The following CSTF3 variants were observed in gnomAD, a reference collection of about 807,000 sequenced individuals.
The protein encoded by CSTF3 is CF-1 77 kDa subunit.
Under a neutral mutation model 105.8 loss-of-function variants are expected in CSTF3, and 29 were observed. The observed-to-expected ratio is 0.27, with a 90% CI of 0.20 to 0.37. The LOEUF (loss-of-function observed/expected upper bound fraction) is 0.37, where lower values mean the gene tolerates loss of function less well. CSTF3 is among the 10% of genes least tolerant of loss of function. The pLI is 1.00. For missense variants in CSTF3, 357 were observed against 879.3 expected (o/e 0.41, Z 7.51); for synonymous variants, 252 against 281.9 (o/e 0.89, Z 1.06).
chr11:33,127,072 T>C (rs1855550927), intron 3 of CSTF3, among the ~76,000 whole-genome samples: 1 of 152,182 alleles, frequency 6.6e-6, no homozygotes, highest in South Asian at 2.1e-4. Context: ...AAAGAGCTAA[T>C]GTAGACAAAA....
chr11:33,148,591 G>C (rs1368193212), intron 1 of CSTF3, among the ~76,000 whole-genome samples: 2 of 150,966 alleles, frequency 1.3e-5, no homozygotes, highest in African/African-American at 4.8e-5. Flanking sequence ...ACACACTCAG[G>C]AGGCTGAGGT....
At chr11:33,136,468 T>C (rs1855653930) in intron 3 of CSTF3, among the ~76,000 whole-genome samples, 1 of 152,032 alleles carries the variant, frequency 6.6e-6, no homozygotes, top group Admixed American at 6.6e-5. Flanking sequence ...ACATCTTCAT[T>C]TCCTGGAAGT....
At position 33,099,180 on chromosome 11, in the gene CSTF3, A is replaced by T; in HGVS notation, c.937-30T>A. 2 of 1,563,570 alleles carry T rather than the reference A, an allele frequency of 1.3e-6. No homozygotes were observed. The highest frequency in any genetic ancestry group is 4.5e-5 in the East Asian group (2 of 44,074). ...TAGAAAAAAAAGAAAGCTCATCTTC[A>T]ATAATTTTAATATAGTTGTGAGAGA... On this transcript the variant is annotated intron_variant, in intron 11 of 20. Transcript: ENST00000323959. The surrounding 1 kb of genome is among the most constrained non-coding windows in gnomAD (Gnocchi z 4.1).
intron 15 of CSTF3, 124 bp downstream of exon 15, chr11:33,096,182 G>T: frequency 1.7e-6 from 1 of 588,484 alleles, no homozygotes; most frequent in Non-Finnish European, 2.8e-6. Context: ...TATTTCTTGA[G>T]TGCCTAACAA....
intron 18 of CSTF3, among the ~76,000 whole-genome samples, chr11:33,086,471 CT>C (rs1855106672): frequency 6.6e-6 from 1 of 150,586 alleles, no homozygotes; most frequent in African/African-American, 2.5e-5. Context: ...GAGTGTCGCT[CT>C]TGTTGCCCAG....
At chr11:33,097,022 G>T in intron 13 of CSTF3, 44 bp from the exon 14 acceptor site, 1 of 1,425,054 alleles carries the variant, frequency 7.0e-7, no homozygotes, top group South Asian at 1.3e-5. Flanking sequence ...TAGACAGTAT[G>T]TTTCCTGCAT....
chr11:33,146,580 TA>T (rs1345305567), intron 1 of CSTF3, among the ~76,000 whole-genome samples: 2 of 124,620 alleles, frequency 1.6e-5, no homozygotes, highest in African/African-American at 3.0e-5. Flanking sequence ...TAAATACATA[TA>T]AAAAAGGACC....
intron 13 of CSTF3, among the ~76,000 whole-genome samples, chr11:33,097,422 T>G (rs1438752228): frequency 6.6e-6 from 1 of 152,012 alleles, no homozygotes; most frequent in East Asian, 1.9e-4. Context: ...CAGGCTGGAG[T>G]GCAGTGGTGC....
intron 3 of CSTF3, among the ~76,000 whole-genome samples, chr11:33,139,932 G>A (rs1855692480): frequency 6.6e-6 from 1 of 151,870 alleles, no homozygotes; most frequent in African/African-American, 2.4e-5. Flanking sequence ...TTACAGCTAG[G>A]AAATTGGAGA....
chr11:33,128,473 A>C (rs1855567182), intron 3 of CSTF3, among the ~76,000 whole-genome samples: 2 of 152,118 alleles, frequency 1.3e-5, no homozygotes, highest in African/African-American at 4.8e-5. Flanking sequence ...TGAGTAAAAT[A>C]AGGGCCCAGA....
chr11:33,161,122 T>TAA (rs879743369), intron 1 of CSTF3, among the ~76,000 whole-genome samples, 177 bp downstream of exon 1: 1 of 145,010 alleles, frequency 6.9e-6, no homozygotes, highest in Non-Finnish European at 1.5e-5. Context: ...GAGAGAGAAG[T>TAA]AAAAAAAAAA....
intron 1 of CSTF3, chr11:33,156,895 G>A (rs1849873517): frequency 3.4e-6 from 1 of 296,788 alleles, no homozygotes; most frequent in African/African-American, 2.2e-5. Context: ...TTATTTCTTA[G>A]GTCTTTAAGA....
chr11:33,084,783 A>AACTC lies in CSTF3; in HGVS notation c.*300_*303dup. 1 of 343,996 alleles carries AACTC rather than the reference A, an allele frequency of 2.9e-6. No individual in the cohort carries two copies. The highest frequency in any genetic ancestry group is 5.4e-6 in the Non-Finnish European group (1 of 185,548). 21.3% of individuals were successfully genotyped at this position (343,996 alleles called of 1,614,324 possible). On this transcript the variant is annotated 3_prime_UTR_variant, in exon 21 of 21. Coordinates refer to ENST00000323959, the MANE Select transcript of CSTF3 (RefSeq NM_001326.3). ...AGTTTTTAAAATAAAACTGTTGAAA[A>AACTC]ACTCACAAATCTTCAAGCGGCACAT...
intron 10 of CSTF3, among the ~76,000 whole-genome samples, chr11:33,100,280 G>A (rs12805232): frequency 0.56 from 83,786 of 150,802 alleles, 25,882 homozygotes; most frequent in Non-Finnish European, 0.69. Context: ...GCATGAACCC[G>A]GGAGGCACAG....
intron 3 of CSTF3, among the ~76,000 whole-genome samples, chr11:33,129,317 C>T (rs1855574888): frequency 6.6e-6 from 1 of 152,008 alleles, no homozygotes; most frequent in African/African-American, 2.4e-5. Flanking sequence ...GTCTTAAACT[C>T]CTGACCTCGA....
intron 3 of CSTF3, among the ~76,000 whole-genome samples, chr11:33,132,735 T>A (rs1164692250): frequency 6.6e-6 from 1 of 152,214 alleles, no homozygotes; most frequent in Non-Finnish European, 1.5e-5. Context: ...TTTGTGTTGC[T>A]AACAACTGAA....
chr11:33,101,966 GAAAT>G (rs1332848192), intron 10 of CSTF3, among the ~76,000 whole-genome samples: 1 of 152,070 alleles, frequency 6.6e-6, no homozygotes, highest in South Asian at 2.1e-4. Flanking sequence ...TATAGTATCT[GAAAT>G]AAAGCGTTCA....
chr11:33,140,549 C>T (rs1232005553), intron 3 of CSTF3, among the ~76,000 whole-genome samples: 1 of 152,034 alleles, frequency 6.6e-6, no homozygotes, highest in African/African-American at 2.4e-5. Flanking sequence ...ACACTGTAGC[C>T]TCTATTTAAA....
chr11:33,148,360 T>A (rs939851872), intron 1 of CSTF3, among the ~76,000 whole-genome samples: 12 of 152,202 alleles, frequency 7.9e-5, no homozygotes, highest in East Asian at 5.8e-4. Context: ...CAATATTTTT[T>A]AAAAACTTTT....
Sources: allele counts gnomAD v4.1 joint callset (sites outside exome capture counted in the v4.1 genomes callset), GRCh38; gene constraint gnomAD v4.1.1; non-coding constraint Gnocchi (gnomAD v3.1); transcripts MANE v1.5; gene names NCBI Gene and HGNC (gene_info 2026-07-23, HGNC 2026-07-21).